POLR3B: variants seen among roughly 807,000 people sequenced by gnomAD.
POLR3B encodes RNA polymerase III subunit B.
Under a neutral mutation model 147.4 loss-of-function variants are expected in POLR3B, and 96 were observed. The ratio of observed to expected loss-of-function variants is 0.65; its 90% CI spans 0.55 to 0.77. POLR3B has a LOEUF of 0.77. POLR3B is among the 30% of genes least tolerant of loss of function. The pLI, the probability that POLR3B is intolerant of heterozygous loss-of-function variation, is 0.00. For synonymous variants in POLR3B, 461 were observed against 485.9 expected (o/e 0.95, Z 0.67); for missense variants, 1,036 against 1,413.5 (o/e 0.73, Z 4.28).
intron 10 of POLR3B, among the ~76,000 whole-genome samples, chr12:106,402,251 A>G (rs2136927283): frequency 6.6e-6 from 1 of 152,190 alleles, no homozygotes; most frequent in East Asian, 1.9e-4. Context: ...TCCAACTTAC[A>G]AGGGATGTGA....
chr12:106,377,766 C>T (rs186191859), intron 7 of POLR3B, among the ~76,000 whole-genome samples: 3 of 152,180 alleles, frequency 2.0e-5, no homozygotes, highest in Non-Finnish European at 2.9e-5. Flanking sequence ...TCTTGTAGCT[C>T]ATTTGTATAA....
At chr12:106,361,148 C>T (rs1039824992) in intron 1 of POLR3B, among the ~76,000 whole-genome samples, 69 of 152,150 alleles carry the variant, frequency 4.5e-4, no homozygotes, top group African/African-American at 1.6e-3. Flanking sequence ...AGGACATGTA[C>T]ACTGGCTTTA....
intron 10 of POLR3B, among the ~76,000 whole-genome samples, chr12:106,398,272 G>A (rs1443655170): frequency 6.6e-6 from 1 of 152,230 alleles, no homozygotes; most frequent in Non-Finnish European, 1.5e-5. Context: ...CAAGGCGGCA[G>A]CGAGGCTGGG....
chr12:106,400,691 A>G (rs1021523379), intron 10 of POLR3B, among the ~76,000 whole-genome samples: 10 of 152,234 alleles, frequency 6.6e-5, no homozygotes, highest in African/African-American at 2.4e-4. Context: ...CCGCTCAACT[A>G]CATGGAAACT....
In POLR3B at chr12:106,437,177, T is replaced by A. The variant is rs769074850; in HGVS notation, c.1856+46T>A. On this transcript the variant is annotated intron_variant, in intron 17 of 27. Coordinates refer to ENST00000228347, the MANE Select transcript of POLR3B (RefSeq NM_018082.6). Reference sequence around the variant, plus strand: ...CTTACCAATCTCCTTAATACCCACATACATGATTTAAGAAAAGTGTATTTT... The same window carrying A: ...CTTACCAATCTCCTTAATACCCACAAACATGATTTAAGAAAAGTGTATTTT... 3.3e-6 allele frequency: 4 copies of A among 1,195,132 alleles called. No homozygotes were observed. The African/African-American group carries it at 6.0e-5, about 18-fold the overall frequency. The allele number at this position is 1,195,132 out of a possible 1,614,324, so 74.0% of individuals were successfully genotyped here.
At position 106,405,990 on chromosome 12, in the gene POLR3B, C is replaced by T. The variant is rs779555589; in HGVS notation, c.966+14C>T. Reference sequence around the variant, plus strand: ...ACCCATGTCCCAGTGAGTAACACTTCGTTATTGTGAATAAGGACTGTGGGG... The same window carrying T: ...ACCCATGTCCCAGTGAGTAACACTTTGTTATTGTGAATAAGGACTGTGGGG... On this transcript the variant is annotated intron_variant, in intron 11 of 27. Transcript: ENST00000228347. 6.2e-6 allele frequency: 10 copies of T among 1,613,014 alleles called. No individual in the cohort carries two copies. The highest frequency in any genetic ancestry group is 2.2e-5 in the East Asian group (1 of 44,844).
chr12:106,443,587 A>G (rs561629262), intron 18 of POLR3B, among the ~76,000 whole-genome samples: 1 of 151,878 alleles, frequency 6.6e-6, no homozygotes, highest in East Asian at 1.9e-4. Flanking sequence ...GCAAGATCTC[A>G]GCTCACTGCA....
At chr12:106,426,957 T>C (rs2037447611) in intron 12 of POLR3B, among the ~76,000 whole-genome samples, 1 of 148,664 alleles carries the variant, frequency 6.7e-6, no homozygotes, top group Non-Finnish European at 1.5e-5. Context: ...CTAAAGAAAA[T>C]GTCTTTGAAT....
intron 23 of POLR3B, among the ~76,000 whole-genome samples, chr12:106,487,630 G>C (rs769764013): frequency 3.1e-5 from 4 of 127,742 alleles, no homozygotes; most frequent in Non-Finnish European, 6.9e-5. Context: ...ATCACATTTC[G>C]GTGCCCAATG....
At chr12:106,502,392 A>C (rs2038615511) in intron 26 of POLR3B, among the ~76,000 whole-genome samples, 2 of 152,170 alleles carry the variant, frequency 1.3e-5, no homozygotes, top group African/African-American at 4.8e-5. Context: ...CCACAGTCTG[A>C]TGAAACTCAC....
chr12:106,439,371 A>G (rs187078502), intron 18 of POLR3B, among the ~76,000 whole-genome samples: 37 of 150,596 alleles, frequency 2.5e-4, no homozygotes, highest in African/African-American at 8.5e-4. Flanking sequence ...CCTATCTCTT[A>G]AAACAGGAAA....
intron 12 of POLR3B, among the ~76,000 whole-genome samples, chr12:106,419,575 T>A (rs2037347548): frequency 6.6e-6 from 1 of 152,120 alleles, no homozygotes; most frequent in African/African-American, 2.4e-5. Flanking sequence ...AATTAATTAG[T>A]ATAAATATGC....
At chr12:106,397,387 T>C (rs2036993312) in intron 10 of POLR3B, among the ~76,000 whole-genome samples, 1 of 152,132 alleles carries the variant, frequency 6.6e-6, no homozygotes, top group Non-Finnish European at 1.5e-5. Flanking sequence ...CCCACAGAGT[T>C]CCCCCTCATG....
At position 106,504,485 on chromosome 12, in the gene POLR3B, A is replaced by T. The variant is rs966974931; in HGVS notation, c.3272+231A>T. Among the ~76,000 whole-genome samples, 1 of 152,208 alleles carries T rather than the reference A, an allele frequency of 6.6e-6. No homozygotes were observed. Among genetic ancestry groups the T allele is most frequent in the African/African-American group, 2.4e-5 (1 of 41,458 alleles). ...TAGAGGCTAAGCTCCCAAGGAGTAC[A>T]AACTTTACCTCCTTTTAAATATTCT... is the stretch of plus-strand genomic sequence containing the variant. On this transcript the variant is annotated intron_variant, in intron 27 of 27. Coordinates refer to ENST00000228347, the MANE Select transcript of POLR3B (RefSeq NM_018082.6). This position sits in a 1 kb window ranked among gnomAD's most constrained non-coding sequence, Gnocchi z 4.6.
At chr12:106,503,262 A>T (rs538555984) in intron 26 of POLR3B, among the ~76,000 whole-genome samples, 11 of 152,330 alleles carry the variant, frequency 7.2e-5, no homozygotes, top group African/African-American at 1.2e-4. Context: ...ACAACAATTT[A>T]AAAAAATCTT....
At chr12:106,378,142 G>C in intron 7 of POLR3B, 125 bp from the exon 8 acceptor site, 2 of 758,134 alleles carry the variant, frequency 2.6e-6, no homozygotes, top group Non-Finnish European at 4.9e-6. Context: ...TTTGAATCAA[G>C]TGTTAGCCAG....
intron 10 of POLR3B, among the ~76,000 whole-genome samples, chr12:106,394,281 G>A (rs2036953569): frequency 2.0e-5 from 3 of 152,160 alleles, no homozygotes; most frequent in Admixed American, 2.0e-4. Flanking sequence ...GCAGTTACAG[G>A]GCAGGCAGCA....
intron 8 of POLR3B, among the ~76,000 whole-genome samples, chr12:106,378,690 C>T (rs546128615): frequency 6.6e-6 from 1 of 152,172 alleles, no homozygotes; most frequent in South Asian, 2.1e-4. Flanking sequence ...GTTTTTCACA[C>T]TCCTTTTCAG....
At chr12:106,411,046 A>G in intron 12 of POLR3B, 86 bp downstream of exon 12, 1 of 1,326,684 alleles carries the variant, frequency 7.5e-7, no homozygotes, top group Non-Finnish European at 1.1e-6. Context: ...AAACATTTGA[A>G]TGAAATATAG....
Sources: allele counts gnomAD v4.1 joint callset (sites outside exome capture counted in the v4.1 genomes callset), GRCh38; gene constraint gnomAD v4.1.1; non-coding constraint Gnocchi (gnomAD v3.1); transcripts MANE v1.5; gene names NCBI Gene and HGNC (gene_info 2026-07-23, HGNC 2026-07-21).